ADAMTS2: variants seen among roughly 807,000 people sequenced by gnomAD.
The protein encoded by ADAMTS2 is ADAM metallopeptidase with thrombospondin type 1 motif 2.
Under a neutral mutation model 123.0 loss-of-function variants are expected in ADAMTS2, and 50 were observed. That is an observed-to-expected ratio of 0.41 (90% confidence interval 0.32 to 0.51). The LOEUF (loss-of-function observed/expected upper bound fraction) is 0.51, where lower values mean the gene tolerates loss of function less well. Ranked by LOEUF, ADAMTS2 falls within the 20% of genes least tolerant of loss-of-function variation. The probability of loss-of-function intolerance (pLI) is 0.35; values close to 1 mark genes in which losing one functional copy is unlikely to be tolerated. For missense variants in ADAMTS2, 1,494 were observed against 1,705.2 expected, an observed-to-expected ratio of 0.88 and a Z score of 2.18; for synonymous variants, 678 against 695.4, an observed-to-expected ratio of 0.98 and a Z score of 0.39.
At chr5:179,208,131 G>C (rs1221794667) in intron 3 of ADAMTS2, among the ~76,000 whole-genome samples, 1 of 121,334 alleles carries the variant, frequency 8.2e-6, no homozygotes, top group Non-Finnish European at 2.0e-5. Flanking sequence ...TGACGCTGGA[G>C]TGGGCAGAGC....
chr5:179,272,935 C>G lies in ADAMTS2; in HGVS notation c.664G>C (p.Gly222Arg), dbSNP rs777752024. 1 of 1,611,018 alleles carries G rather than the reference C, an allele frequency of 6.2e-7. No individual in the cohort carries two copies. Among genetic ancestry groups the G allele is most frequent in the Non-Finnish European group, 8.5e-7 (1 of 1,179,986 alleles). The change falls in exon 3 of 22, where the codon GGG (glycine) becomes CGG (arginine). Residue 222 changes from glycine (G) to arginine (R), a missense_variant. Gly to Arg is a moderately radical substitution (Grantham distance 125). Coordinates refer to ENST00000251582, the MANE Select transcript of ADAMTS2 (RefSeq NM_014244.5). The surrounding 1 kb of genome is among the most constrained non-coding windows in gnomAD (Gnocchi z 5.8). Reference protein sequence around the residue: ...YRRPPTSPPLGGPQALDTGAS... With the variant: ...YRRPPTSPPLRGPQALDTGAS... ...CCTGTGTCCAGGGCCTGTGGCCCCC[C>G]GAGAGGAGGGGACGTGGGTGGCCGG...
intron 2 of ADAMTS2, among the ~76,000 whole-genome samples, chr5:179,326,477 C>T (rs1220900943): frequency 7.0e-5 from 4 of 57,210 alleles, no homozygotes; most frequent in East Asian, 5.6e-4. Context: ...GCCTGTGCCC[C>T]GCCCCCGGCC....
chr5:179,299,281 G>A (rs570821715), intron 2 of ADAMTS2, among the ~76,000 whole-genome samples: 3 of 144,688 alleles, frequency 2.1e-5, no homozygotes, highest in South Asian at 2.3e-4. Context: ...TGTAATCCCA[G>A]CACTTTGGGA....
chr5:179,297,605 T>TCCAGGGTG (rs2113553419), intron 2 of ADAMTS2, among the ~76,000 whole-genome samples: 1 of 152,054 alleles, frequency 6.6e-6, no homozygotes, highest in Admixed American at 6.5e-5. Flanking sequence ...GGCTTCCCTC[T>TCCAGGGTG]CCAGGGTGAC....
At chr5:179,177,241 T>C (rs1374396948) in intron 5 of ADAMTS2, among the ~76,000 whole-genome samples, 1 of 152,224 alleles carries the variant, frequency 6.6e-6, no homozygotes, top group Admixed American at 6.5e-5. Flanking sequence ...TATTAAACAA[T>C]CTCCACATTC....
intron 2 of ADAMTS2, among the ~76,000 whole-genome samples, chr5:179,274,396 T>C (rs1359501006): frequency 6.6e-6 from 1 of 152,238 alleles, no homozygotes; most frequent in Non-Finnish European, 1.5e-5. Flanking sequence ...CCAGACTCTC[T>C]TGAAAATCAG....
rs150387928 is a variant in ADAMTS2, at chr5:179,251,735, A to G, written c.688+21176T>C. 5.8e-3 allele frequency among the ~76,000 whole-genome samples: 885 copies of G among 152,328 alleles called. 11 individuals are homozygous for G. The highest frequency in any genetic ancestry group is 0.02 in the African/African-American group (829 of 41,578). ...TATGTACACACAAAGACTTGTCCAC[A>G]AATGGCCATCGAGGAGAAGCTGGCC... On this transcript the variant is annotated intron_variant, in intron 3 of 21. Coordinates refer to ENST00000251582, the MANE Select transcript of ADAMTS2 (RefSeq NM_014244.5).
At chr5:179,222,564 T>C (rs954138915) in intron 3 of ADAMTS2, among the ~76,000 whole-genome samples, 1 of 152,192 alleles carries the variant, frequency 6.6e-6, no homozygotes, top group African/African-American at 2.4e-5. Context: ...GACCAGCAGC[T>C]GGCCGGGCAG....
At position 179,139,969 on chromosome 5, in the gene ADAMTS2, C is replaced by T. The variant is rs765909622; in HGVS notation, c.1696G>A (p.Ala566Thr). 13 of 1,613,854 alleles carry T rather than the reference C, an allele frequency of 8.1e-6. No homozygotes were observed. The highest frequency in any genetic ancestry group is 3.3e-5 in the Admixed American group (2 of 60,008). ...GAGCAGGAGCCAAACGGACTCCAAG[C>T]GCCCCAGCTGCCGTCCCGTTTGAGG... ...DILKRDGSWG[A>T]WSPFGSCSRT... Residue 566 changes from alanine (A) to threonine (T), a missense_variant, in exon 11 of 22, where the codon GCT (alanine) becomes ACT (threonine). Physicochemically the swap from Ala to Thr is moderately conservative, Grantham distance 58. Transcript: ENST00000251582.
rs946787717 is a variant in ADAMTS2 at position 179,181,784 on chromosome 5, C to T, written c.892-629G>A. Reference sequence around the variant, plus strand: ...ATCATATTCTTACACGTGTTTCATTCTTCACATTTAAAACCATTATTCTGA... The same window carrying T: ...ATCATATTCTTACACGTGTTTCATTTTTCACATTTAAAACCATTATTCTGA... On this transcript the variant is annotated intron_variant, in intron 4 of 21. Transcript: ENST00000251582. The surrounding 1 kb of genome is among the most constrained non-coding windows in gnomAD (Gnocchi z 4.1). Among the ~76,000 whole-genome samples the T allele has an allele frequency of 6.6e-6, 1 of 152,176 alleles. No individual in the cohort carries two copies.
In ADAMTS2 at chr5:179,285,059, G is replaced by A. The variant is rs192755336; in HGVS notation, c.535-11995C>T. ...TGATGTGAGGGCTAAGCGAGATACT[G>A]CGTCTCTAGCACTGGGCACAGCACG... is the stretch of plus-strand genomic sequence containing the variant. On this transcript the variant is annotated intron_variant, in intron 2 of 21. Coordinates refer to ENST00000251582, the MANE Select transcript of ADAMTS2 (RefSeq NM_014244.5). The surrounding 1 kb of genome is among the most constrained non-coding windows in gnomAD (Gnocchi z 4.9). Among the ~76,000 whole-genome samples the A allele has an allele frequency of 2.0e-5, 3 of 152,256 alleles. No homozygotes were observed. The East Asian group carries it at 5.8e-4, about 29-fold the overall frequency.
chr5:179,235,050 C>T (rs763426680), intron 3 of ADAMTS2, among the ~76,000 whole-genome samples: 2 of 152,212 alleles, frequency 1.3e-5, no homozygotes, highest in African/African-American at 2.4e-5. Context: ...CCTGCCCTGC[C>T]CTTTCTGGCA....
chr5:179,238,502 G>A (rs968333545), intron 3 of ADAMTS2, among the ~76,000 whole-genome samples: 3 of 152,176 alleles, frequency 2.0e-5, no homozygotes, highest in Non-Finnish European at 2.9e-5. Context: ...TGGTGCGGGG[G>A]GAGCTGTCTA....
intron 19 of ADAMTS2, 180 bp from the exon 20 acceptor site, chr5:179,122,953 T>C: frequency 2.4e-6 from 2 of 847,978 alleles, no homozygotes; most frequent in Non-Finnish European, 1.9e-6. Flanking sequence ...CCCAATCTCC[T>C]GGGGCTCTAA....
chr5:179,291,147 C>T (rs566317935), intron 2 of ADAMTS2, among the ~76,000 whole-genome samples: 24 of 152,346 alleles, frequency 1.6e-4, no homozygotes, highest in Middle Eastern at 3.4e-3. Context: ...GATGCTGACA[C>T]GTGGGTTTTG....
chr5:179,122,938 G>A, intron 19 of ADAMTS2, 165 bp from the exon 20 acceptor site: 5 of 998,662 alleles, frequency 5.0e-6, no homozygotes, highest in Non-Finnish European at 7.5e-6. Flanking sequence ...ACCCTCGGGG[G>A]CAGCCCCAAT....
intron 2 of ADAMTS2, among the ~76,000 whole-genome samples, chr5:179,331,806 C>T (rs942044728): frequency 9.9e-5 from 15 of 152,200 alleles, no homozygotes; most frequent in Non-Finnish European, 2.1e-4. Context: ...TCTGTTTTCA[C>T]TCACAATGCT....
chr5:179,268,706 G>C (rs1766440733), intron 3 of ADAMTS2, among the ~76,000 whole-genome samples: 1 of 152,208 alleles, frequency 6.6e-6, no homozygotes, highest in African/African-American at 2.4e-5. Context: ...CACACGACAG[G>C]GTGGAGGGTC....
intron 4 of ADAMTS2, among the ~76,000 whole-genome samples, chr5:179,199,015 A>T (rs528923486): frequency 6.6e-6 from 1 of 152,024 alleles, no homozygotes; most frequent in South Asian, 2.1e-4. Flanking sequence ...AGAGAACGGG[A>T]GTCTGAGGTG....
Sources: allele counts gnomAD v4.1 joint callset (sites outside exome capture counted in the v4.1 genomes callset), GRCh38; gene constraint gnomAD v4.1.1; non-coding constraint Gnocchi (gnomAD v3.1); transcripts MANE v1.5; gene names NCBI Gene and HGNC (gene_info 2026-07-23, HGNC 2026-07-21).